Variants in TNRC6C observed in about 807,000 individuals in gnomAD.
TNRC6C encodes the protein trinucleotide repeat containing adaptor 6C.
In TNRC6C, 20 loss-of-function variants were observed where a neutral mutation model predicts 153.7. The ratio of observed to expected loss-of-function variants is 0.13; its 90% CI spans 0.09 to 0.19. The LOEUF is 0.19. Among genes scored for constraint, TNRC6C ranks in the 10% least tolerant of loss-of-function variants. TNRC6C has a pLI of 1.00. For missense variants in TNRC6C, 1,987 were observed against 2,172.0 expected, an observed-to-expected ratio of 0.91 and a Z score of 1.69; for synonymous variants, 811 against 841.4, an observed-to-expected ratio of 0.96 and a Z score of 0.63.
intron 1 of TNRC6C, among the ~76,000 whole-genome samples, chr17:77,969,896 A>T (rs1481964851): frequency 6.6e-6 from 1 of 152,214 alleles, no homozygotes; most frequent in Non-Finnish European, 1.5e-5. Flanking sequence ...GTGAGAAGAC[A>T]GTTCTGAAAA....
At chr17:78,016,768 A>G (rs1032662919) in intron 1 of TNRC6C, among the ~76,000 whole-genome samples, 2 of 152,174 alleles carry the variant, frequency 1.3e-5, no homozygotes, top group African/African-American at 2.4e-5. Flanking sequence ...TTATTATACT[A>G]TAAACGCTTA....
intron 10 of TNRC6C, among the ~76,000 whole-genome samples, chr17:78,081,933 G>A (rs571007794): frequency 6.6e-6 from 1 of 152,138 alleles, no homozygotes; most frequent in Admixed American, 6.6e-5. Flanking sequence ...TGGAGGATGA[G>A]ATCTCTGAAG....
Position 78,049,376 on chromosome 17 carries a change from A to G in TNRC6C, c.314A>G (p.Asn105Ser), listed in dbSNP as rs780294972. Residue 105 changes from asparagine to serine, a missense_variant, in exon 3 of 20, where the codon AAC (asparagine) becomes AGC (serine). Transcript: ENST00000301624. This position sits in a 1 kb window ranked among gnomAD's most constrained non-coding sequence, Gnocchi z 4.1. ...AATCTTAACCTTAATCCTAATGCCAACCCAGCTGCCTGGCCTGTACTTGGA... is the reference window on the plus strand; with the variant it reads ...AATCTTAACCTTAATCCTAATGCCAGCCCAGCTGCCTGGCCTGTACTTGGA... 5 of 1,614,004 alleles carry G rather than the reference A, an allele frequency of 3.1e-6. No individual in the cohort carries two copies. The highest frequency in any genetic ancestry group is 1.3e-5 in the African/African-American group (1 of 75,060).
At chr17:78,047,089 A>G (rs2072427188) in intron 2 of TNRC6C, among the ~76,000 whole-genome samples, 1 of 152,154 alleles carries the variant, frequency 6.6e-6, no homozygotes, top group Non-Finnish European at 1.5e-5. Flanking sequence ...GTCAAGAGGC[A>G]GCCTGCCTTA....
At chr17:78,000,582 G>A (rs1042073226), upstream of TNRC6C, among the ~76,000 whole-genome samples, 3 of 129,866 alleles carry the variant, frequency 2.3e-5, no homozygotes, top group Admixed American at 2.8e-4. Context: ...ATAGTGGCAT[G>A]TAACACACAC....
intron 1 of TNRC6C, among the ~76,000 whole-genome samples, chr17:77,975,966 C>T (rs1001922033): frequency 6.6e-6 from 1 of 152,154 alleles, no homozygotes; most frequent in Non-Finnish European, 1.5e-5. Context: ...GTTGTCAACT[C>T]TGGGCTAGAT....
At chr17:78,018,909 T>C (rs1311396992) in intron 1 of TNRC6C, among the ~76,000 whole-genome samples, 2 of 152,130 alleles carry the variant, frequency 1.3e-5, no homozygotes, top group African/African-American at 4.8e-5. Flanking sequence ...GAGGGGGGTT[T>C]TGGCAGTCCA....
chr17:78,103,283 A>G (rs2073630400), intron 18 of TNRC6C, 131 bp from the exon 22 acceptor site: 1 of 1,094,782 alleles, frequency 9.1e-7, no homozygotes. Context: ...AAAACCACAT[A>G]TTATTAGGCC....
chr17:77,981,326 C>G (rs566658201), intron 1 of TNRC6C, among the ~76,000 whole-genome samples: 1 of 152,272 alleles, frequency 6.6e-6, no homozygotes, highest in East Asian at 1.9e-4. Flanking sequence ...ACCTTCAGCC[C>G]CTCTACCCTC....
chr17:78,101,212 G>C (rs1379600832), intron 17 of TNRC6C, among the ~76,000 whole-genome samples: 1 of 152,162 alleles, frequency 6.6e-6, no homozygotes, highest in Non-Finnish European at 1.5e-5. Flanking sequence ...CAAGTTGAAA[G>C]CTCCACAAAT....
At chr17:78,090,332 TGTGCATGGCCCACC>T (rs1439516223) in intron 13 of TNRC6C, among the ~76,000 whole-genome samples, 1 of 152,228 alleles carries the variant, frequency 6.6e-6, no homozygotes. Flanking sequence ...CACTTCTTCA[TGTGCATGGCCCACC>T]TGGCTCCTAT....
intron 1 of TNRC6C, among the ~76,000 whole-genome samples, chr17:77,967,894 T>C (rs1001830660): frequency 6.6e-6 from 1 of 152,238 alleles, no homozygotes; most frequent in African/African-American, 2.4e-5. Context: ...GGGAAAACTC[T>C]CTGGAAATAA....
intron 1 of TNRC6C, among the ~76,000 whole-genome samples, chr17:78,028,045 G>A (rs889232058): frequency 1.1e-4 from 17 of 151,968 alleles, no homozygotes; most frequent in South Asian, 2.1e-4. Context: ...GCAGGCGCCC[G>A]CCACCATGCC....
At position 78,104,772 on chromosome 17, in the gene TNRC6C, G is replaced by A; in HGVS notation, c.5000G>A (p.Ser1667Asn). The stretch of plus-strand genomic sequence containing the variant: ...TGGGGCCCGCCCAGCGCCGACGACA[G>A]CAGGGTGATAGGCAGCCCCACGCCG... Residue 1667 changes from serine to asparagine, a missense_variant, in exon 20 of 20, where the codon AGC becomes AAC. By Grantham distance (46) the Ser-to-Asn change is conservative. Coordinates refer to ENST00000301624, the Ensembl canonical transcript of TNRC6C. This position sits in a 1 kb window ranked among gnomAD's most constrained non-coding sequence, Gnocchi z 6.2. The A allele has an allele frequency of 6.8e-7, 1 of 1,480,022 alleles. No individual in the cohort carries two copies. The highest frequency in any genetic ancestry group is 9.0e-7 in the Non-Finnish European group (1 of 1,115,150). The allele number at this position is 1,480,022 out of a possible 1,614,324, so 91.7% of individuals were successfully genotyped here. A position where few individuals can be genotyped will look rare whatever the true frequency, so the allele number is the denominator to read the frequency against.
intron 1 of TNRC6C, among the ~76,000 whole-genome samples, chr17:77,971,816 A>T (rs955490257): frequency 6.6e-6 from 1 of 151,928 alleles, no homozygotes; most frequent in African/African-American, 2.4e-5. Flanking sequence ...AATAACCCAT[A>T]GGTTAAAGAA....
exon 1 of TNRC6C, chr17:77,959,240 C>T: frequency 6.7e-6 from 1 of 149,430 alleles, no homozygotes; most frequent in Non-Finnish European, 1.5e-5. Context: ...CCCCGCGGAG[C>T]CGCCGCCGCC....
intron 2 of TNRC6C, among the ~76,000 whole-genome samples, chr17:78,041,472 T>C (rs1212730809): frequency 6.6e-6 from 1 of 152,222 alleles, no homozygotes; most frequent in East Asian, 1.9e-4. Context: ...AGCAATCTCA[T>C]TTTACTGCCG....
At chr17:78,077,096 C>A in intron 8 of TNRC6C, 89 bp from the exon 11 acceptor site, 1 of 1,404,890 alleles carries the variant, frequency 7.1e-7, no homozygotes, top group Non-Finnish European at 9.5e-7. Context: ...TTTATCCATC[C>A]ACGCCTCCTC....
intron 1 of TNRC6C, among the ~76,000 whole-genome samples, chr17:78,009,389 G>A (rs2071582135): frequency 6.6e-6 from 1 of 151,962 alleles, no homozygotes. Flanking sequence ...GATTAACTAT[G>A]ATAATTTTCA....
Sources: allele counts gnomAD v4.1 joint callset (sites outside exome capture counted in the v4.1 genomes callset), GRCh38; gene constraint gnomAD v4.1.1; non-coding constraint Gnocchi (gnomAD v3.1); transcripts MANE v1.5; gene names NCBI Gene and HGNC (gene_info 2026-07-23, HGNC 2026-07-21).